The following PDSS2 variants were observed in gnomAD, a reference collection of about 807,000 sequenced individuals.
The protein encoded by PDSS2 is all trans-polyprenyl-diphosphate synthase PDSS2.
In PDSS2, 31 loss-of-function variants were observed where a neutral mutation model predicts 44.5. The ratio of observed to expected loss-of-function variants is 0.70; its 90% CI spans 0.52 to 0.94. PDSS2 has a LOEUF of 0.94. Among genes scored for constraint, PDSS2 ranks in the 40% least tolerant of loss-of-function variants. PDSS2 has a pLI of 0.00. For missense variants in PDSS2, 452 were observed against 482.2 expected (o/e 0.94, Z 0.59); for synonymous variants, 157 against 180.3 (o/e 0.87, Z 1.03).
intron 7 of PDSS2, among the ~76,000 whole-genome samples, chr6:107,185,929 A>C (rs1014421369): frequency 8.5e-5 from 13 of 152,230 alleles, no homozygotes; most frequent in African/African-American, 2.9e-4. Context: ...ACTGGAGCAA[A>C]AGTGTTAGCT....
chr6:107,408,757 G>A (rs1462008504), intron 1 of PDSS2, among the ~76,000 whole-genome samples: 1 of 152,088 alleles, frequency 6.6e-6, no homozygotes, highest in East Asian at 1.9e-4. Flanking sequence ...TTTCAAAAGA[G>A]GCTAGAAATT....
At chr6:107,298,140 C>G (rs1203723269) in intron 2 of PDSS2, among the ~76,000 whole-genome samples, 1 of 152,114 alleles carries the variant, frequency 6.6e-6, no homozygotes, top group African/African-American at 2.4e-5. Flanking sequence ...AGTTATTATT[C>G]CAAAGCACAC....
Position 107,321,591 on chromosome 6 carries a change from C to A in PDSS2, c.431+12607G>T, listed in dbSNP as rs1777383537. ...AAACTGAGGAGCTGAGAGGTGGGACCAGTGCTCAGTGCTCCCCTTATTTCC... is the reference window on the plus strand; with the variant it reads ...AAACTGAGGAGCTGAGAGGTGGGACAAGTGCTCAGTGCTCCCCTTATTTCC... On this transcript the variant is annotated intron_variant, in intron 2 of 7. Coordinates refer to ENST00000369037, the MANE Select transcript of PDSS2 (RefSeq NM_020381.4). Among the ~76,000 whole-genome samples the A allele has an allele frequency of 2.0e-5, 3 of 152,302 alleles. No individual in the cohort carries two copies. In the South Asian group the frequency reaches 6.2e-4, roughly 32 times the overall value.
chr6:107,267,666 G>A (rs1775456262), intron 3 of PDSS2, among the ~76,000 whole-genome samples: 1 of 149,718 alleles, frequency 6.7e-6, no homozygotes. Flanking sequence ...GCTCAATGCA[G>A]TCTCCAACTC....
chr6:107,204,422 T>G (rs533291085), intron 6 of PDSS2, among the ~76,000 whole-genome samples: 8 of 152,300 alleles, frequency 5.3e-5, no homozygotes, highest in African/African-American at 1.9e-4. Context: ...ATCTGAACAT[T>G]CATGTACATA....
chr6:107,210,032 A>G (rs1321053222), intron 6 of PDSS2, among the ~76,000 whole-genome samples: 1 of 152,036 alleles, frequency 6.6e-6, no homozygotes, highest in Non-Finnish European at 1.5e-5. Context: ...TTTGTTTTAA[A>G]ATAACCCAAT....
intron 7 of PDSS2, among the ~76,000 whole-genome samples, chr6:107,170,182 G>A (rs961630301): frequency 1.1e-4 from 16 of 152,114 alleles, no homozygotes; most frequent in African/African-American, 3.4e-4. Context: ...AATGGTGGGC[G>A]CCCCTCCACC....
intron 1 of PDSS2, among the ~76,000 whole-genome samples, chr6:107,426,958 T>C (rs1211409943): frequency 1.3e-5 from 2 of 152,142 alleles, no homozygotes; most frequent in African/African-American, 2.4e-5. Flanking sequence ...GAGTTAATGC[T>C]GAAATGAGTT....
chr6:107,417,604 C>CA (rs1444705963), intron 1 of PDSS2, among the ~76,000 whole-genome samples: 1 of 151,998 alleles, frequency 6.6e-6, no homozygotes, highest in Admixed American at 6.6e-5. Flanking sequence ...ACTAAAAATA[C>CA]AAAAAATTAG....
chr6:107,242,375 T>C (rs1774466181), intron 4 of PDSS2, among the ~76,000 whole-genome samples: 2 of 152,066 alleles, frequency 1.3e-5, no homozygotes, highest in Non-Finnish European at 2.9e-5. Flanking sequence ...GCCATTCTCC[T>C]GCCTCAGCCT....
chr6:107,183,604 A>G (rs1772061005), intron 7 of PDSS2, among the ~76,000 whole-genome samples: 1 of 152,106 alleles, frequency 6.6e-6, no homozygotes, highest in South Asian at 2.1e-4. Context: ...AGGCTGAGGC[A>G]AGTGAATCAC....
At chr6:107,279,790 C>G (rs1775899556) in intron 2 of PDSS2, among the ~76,000 whole-genome samples, 1 of 152,120 alleles carries the variant, frequency 6.6e-6, no homozygotes, top group South Asian at 2.1e-4. Flanking sequence ...ATTTCACTCT[C>G]TAGTACTGTG....
At chr6:107,307,537 T>A (rs895545405) in intron 2 of PDSS2, among the ~76,000 whole-genome samples, 5 of 151,570 alleles carry the variant, frequency 3.3e-5, no homozygotes, top group East Asian at 1.9e-4. Flanking sequence ...TTTTTTTTTT[T>A]AAACAGGCAG....
chr6:107,411,137 C>T (rs977715822), intron 1 of PDSS2, among the ~76,000 whole-genome samples: 5 of 152,136 alleles, frequency 3.3e-5, no homozygotes, highest in East Asian at 1.9e-4. Context: ...CCGCCCACCT[C>T]GGCCTCCCAA....
chr6:107,250,601 G>C (rs745952378), intron 3 of PDSS2, among the ~76,000 whole-genome samples: 7 of 152,146 alleles, frequency 4.6e-5, no homozygotes, highest in Non-Finnish European at 7.3e-5. Context: ...GAGACCTCAA[G>C]TTAAGCTATG....
chr6:107,452,535 T>C (rs1781903946), intron 1 of PDSS2, among the ~76,000 whole-genome samples: 1 of 152,004 alleles, frequency 6.6e-6, no homozygotes, highest in African/African-American at 2.4e-5. Flanking sequence ...CCCAACCTCT[T>C]GAGTTCAGAG....
chr6:107,347,624 A>G (rs545766043), intron 1 of PDSS2, among the ~76,000 whole-genome samples: 1 of 152,330 alleles, frequency 6.6e-6, no homozygotes, highest in African/African-American at 2.4e-5. Flanking sequence ...TTTTCTGAAC[A>G]CCATGGGTTC....
chr6:107,447,024 C>T (rs944470340), intron 1 of PDSS2, among the ~76,000 whole-genome samples: 2 of 152,094 alleles, frequency 1.3e-5, no homozygotes, highest in African/African-American at 4.8e-5. Context: ...CAAGTCCCTT[C>T]TACCTATGAG....
chr6:107,338,721 G>T (rs1360218799), intron 1 of PDSS2, among the ~76,000 whole-genome samples: 2 of 152,178 alleles, frequency 1.3e-5, no homozygotes, highest in Non-Finnish European at 2.9e-5. Flanking sequence ...AACAGTATGT[G>T]TGGAGGTCCG....
Sources: gnomAD v4.1 joint callset for allele counts (sites outside exome capture counted in the v4.1 genomes callset) on GRCh38, gnomAD v4.1.1 for gene constraint, MANE v1.5 for transcripts, NCBI Gene and HGNC (gene_info 2026-07-23, HGNC 2026-07-21) for gene names.